The following COMMD10 variants were observed in gnomAD, a reference collection of about 807,000 sequenced individuals.
COMMD10 encodes COMM domain containing 10, also known as COMM domain-containing protein 10.
A neutral mutation model predicts 28.9 loss-of-function variants in COMMD10; 33 were observed. The observed-to-expected ratio is 1.14, with a 90% confidence interval of 0.87 to 1.53. The LOEUF is 1.53. Ranked by LOEUF, COMMD10 falls within the 40% of genes most tolerant of loss-of-function variation. COMMD10 has a pLI of 0.00. For synonymous variants in COMMD10, 110 were observed against 81.7 expected (o/e 1.35, Z -1.87); for missense variants, 310 against 233.4 (o/e 1.33, Z -2.14).
At chr5:116,149,070 C>A (rs1752431601) in intron 5 of COMMD10, among the ~76,000 whole-genome samples, 1 of 140,050 alleles carries the variant, frequency 7.1e-6, no homozygotes, top group African/African-American at 2.7e-5. Flanking sequence ...TCTCATTGTT[C>A]AATTCCCACC....
At chr5:116,238,305 A>G (rs1749730920) in intron 5 of COMMD10, among the ~76,000 whole-genome samples, 1 of 152,248 alleles carries the variant, frequency 6.6e-6, no homozygotes, top group South Asian at 2.1e-4. Flanking sequence ...CTGCATGACA[A>G]TTAAGAACAG....
intron 5 of COMMD10, among the ~76,000 whole-genome samples, chr5:116,192,987 A>G (rs1474711700): frequency 6.6e-6 from 1 of 152,232 alleles, no homozygotes; most frequent in Non-Finnish European, 1.5e-5. Flanking sequence ...CCTATAAGCT[A>G]GAAGGGATTA....
At chr5:116,228,445 A>G (rs1042931502) in intron 5 of COMMD10, among the ~76,000 whole-genome samples, 4 of 151,992 alleles carry the variant, frequency 2.6e-5, no homozygotes, top group African/African-American at 9.7e-5. Context: ...TAAAGAAAGT[A>G]CCACATTTAT....
At chr5:116,286,841 TAG>T (rs1561409724) in intron 5 of COMMD10, among the ~76,000 whole-genome samples, 1 of 151,840 alleles carries the variant, frequency 6.6e-6, no homozygotes, top group Non-Finnish European at 1.5e-5. Context: ...TATTTTTGAT[TAG>T]AGTGTTCCGT....
chr5:116,229,937 GAT>G (rs1280714897), intron 5 of COMMD10, among the ~76,000 whole-genome samples: 1 of 151,142 alleles, frequency 6.6e-6, no homozygotes, highest in Non-Finnish European at 1.5e-5. Flanking sequence ...AAAAACACTA[GAT>G]ATATGATTAT....
At chr5:116,271,218 A>G (rs530607418) in intron 5 of COMMD10, among the ~76,000 whole-genome samples, 4,219 of 72,620 alleles carry the variant, frequency 0.058, 267 homozygotes, top group African/African-American at 0.32. Context: ...AAACATAAAC[A>G]TGGGGAAAAT....
chr5:116,266,756 G>C (rs2112691572), intron 5 of COMMD10, among the ~76,000 whole-genome samples: 1 of 151,904 alleles, frequency 6.6e-6, no homozygotes, highest in East Asian at 1.9e-4. Flanking sequence ...CCATGATCAA[G>C]TGGGCTTCAT....
intron 4 of COMMD10, among the ~76,000 whole-genome samples, chr5:116,117,997 C>A (rs1472896598): frequency 1.3e-5 from 2 of 152,056 alleles, no homozygotes; most frequent in East Asian, 1.9e-4. Flanking sequence ...GGAGTTCTTA[C>A]AATTGTCTTT....
chr5:116,248,306 A>T (rs918907330), intron 5 of COMMD10, among the ~76,000 whole-genome samples: 1 of 151,984 alleles, frequency 6.6e-6, no homozygotes, highest in Non-Finnish European at 1.5e-5. Context: ...AAAGTTTCAG[A>T]TACAGATGGA....
intron 5 of COMMD10, among the ~76,000 whole-genome samples, chr5:116,189,231 G>A (rs2112609087): frequency 1.3e-5 from 2 of 152,162 alleles, no homozygotes; most frequent in South Asian, 4.2e-4. Context: ...TTCACATCTA[G>A]GAAAAGTGAT....
At chr5:116,132,263 G>A (rs1318714532) in intron 4 of COMMD10, among the ~76,000 whole-genome samples, 2 of 152,060 alleles carry the variant, frequency 1.3e-5, no homozygotes, top group East Asian at 3.8e-4. Flanking sequence ...TCCTTTAGGT[G>A]TGCATGTTAT....
chr5:116,099,575 T>C (rs1380972873), intron 4 of COMMD10, among the ~76,000 whole-genome samples: 1 of 152,206 alleles, frequency 6.6e-6, no homozygotes, highest in East Asian at 1.9e-4. Flanking sequence ...TGTACAATGG[T>C]TTCTTTTTCT....
intron 4 of COMMD10, among the ~76,000 whole-genome samples, chr5:116,101,518 C>T (rs1750658048): frequency 6.6e-6 from 1 of 152,086 alleles, no homozygotes; most frequent in African/African-American, 2.4e-5. Flanking sequence ...CCTCCGCCTC[C>T]CAGGTTCAAG....
At position 116,085,071 on chromosome 5, in the gene COMMD10, C is replaced by A; in HGVS notation, c.19C>A (p.Leu7Met). The change falls in exon 1 of 7, where the codon CTG becomes ATG. Residue 7 changes from leucine (L) to methionine (M), a missense_variant. Coordinates refer to ENST00000274458, the MANE Select transcript of COMMD10 (RefSeq NM_016144.4). MAVPAALILRESPSMKK... is the reference protein window; with the variant it reads MAVPAAMILRESPSMKK... The stretch of plus-strand genomic sequence containing the variant: ...GCCGAAGATGGCGGTCCCCGCGGCG[C>A]TGATCCTACGGGAGAGCCCCAGGTA... 6.2e-7 allele frequency: 1 copy of A among 1,610,178 alleles called. No homozygotes were observed.
At chr5:116,087,097 T>G (rs1235101459) in intron 1 of COMMD10, among the ~76,000 whole-genome samples, 1 of 152,244 alleles carries the variant, frequency 6.6e-6, no homozygotes, top group African/African-American at 2.4e-5. Flanking sequence ...TTATTTGCCT[T>G]GCAGTATTCT....
chr5:116,152,944 G>A (rs1752583165), intron 5 of COMMD10, among the ~76,000 whole-genome samples: 1 of 151,992 alleles, frequency 6.6e-6, no homozygotes, highest in Non-Finnish European at 1.5e-5. Flanking sequence ...TTGTGAGTGG[G>A]TATTTTGTTT....
intron 4 of COMMD10, among the ~76,000 whole-genome samples, chr5:116,120,683 T>A (rs1751401027): frequency 6.6e-6 from 1 of 152,112 alleles, no homozygotes; most frequent in East Asian, 1.9e-4. Flanking sequence ...ACTTTTTGTA[T>A]GTGTCTGGCT....
intron 5 of COMMD10, among the ~76,000 whole-genome samples, chr5:116,200,386 A>G (rs530246453): frequency 1.3e-5 from 2 of 152,100 alleles, no homozygotes; most frequent in African/African-American, 2.4e-5. Context: ...TAATTTGAAG[A>G]TGGTATCCTT....
chr5:116,132,492 A>G (rs1461934396), intron 4 of COMMD10, among the ~76,000 whole-genome samples: 1 of 152,156 alleles, frequency 6.6e-6, no homozygotes, highest in Non-Finnish European at 1.5e-5. Context: ...GTTAATATCA[A>G]GGCCTGATCA....
Sources: gnomAD v4.1 joint callset for allele counts (sites outside exome capture counted in the v4.1 genomes callset) on GRCh38, gnomAD v4.1.1 for gene constraint, MANE v1.5 for transcripts, NCBI Gene and HGNC (gene_info 2026-07-23, HGNC 2026-07-21) for gene names.